The following CAPN5 variants were observed in gnomAD, a reference collection of about 807,000 sequenced individuals.
The protein encoded by CAPN5 is calpain 5, also known as calpain-5.
CAPN5 carries 54 observed loss-of-function variants against 73.0 expected under a neutral mutation model. The ratio of observed to expected loss-of-function variants is 0.74; its 90% CI spans 0.59 to 0.93. The LOEUF (loss-of-function observed/expected upper bound fraction) is 0.93. Among genes scored for constraint, CAPN5 ranks in the 40% least tolerant of loss-of-function variants. The pLI, the probability that CAPN5 is intolerant of heterozygous loss-of-function variation, is 0.00. For synonymous variants in CAPN5, 335 were observed against 356.9 expected (o/e 0.94, Z 0.69); for missense variants, 785 against 882.9 (o/e 0.89, Z 1.41).
chr11:77,099,974 T>C (rs572739739), intron 3 of CAPN5, among the ~76,000 whole-genome samples: 16 of 152,128 alleles, frequency 1.1e-4, no homozygotes, highest in African/African-American at 3.1e-4. Flanking sequence ...GTAGCTGGGA[T>C]TACAGGCGCC....
intron 3 of CAPN5, chr11:77,102,773 T>C: frequency 6.9e-7 from 1 of 1,455,174 alleles, no homozygotes; most frequent in Middle Eastern, 2.5e-4. Context: ...TGGTGGCCTC[T>C]TCTCTCCACG....
In CAPN5 at chr11:77,077,488, T is replaced by C. The variant is rs529690321; in HGVS notation, c.-35-7364T>C. On this transcript the variant is annotated intron_variant, in intron 1 of 12. Transcript: ENST00000648180. ...AGGTGGTATCTCATTGTGGTTTTGA[T>C]TTTCATTTCCCTAATGATTAGTGAT... Among the ~76,000 whole-genome samples the C allele has an allele frequency of 2.6e-5, 4 of 152,294 alleles. No individual in the cohort carries two copies. The East Asian group carries it at 7.7e-4, about 29-fold the overall frequency.
In CAPN5 at chr11:77,103,398, C is replaced by G. The variant is rs573277351; in HGVS notation, c.298-9191C>G. On this transcript the variant is annotated intron_variant, in intron 3 of 12. Coordinates refer to ENST00000648180, the MANE Select transcript of CAPN5 (RefSeq NM_004055.5). The stretch of plus-strand genomic sequence containing the variant: ...TCTCCCCTGCCCCTGCCACTTTCCC[C>G]CCTGTATTTTTGGGGCCATTATTCT... The G allele has an allele frequency of 3.9e-6, 6 of 1,529,010 alleles. No homozygotes were observed. In the South Asian group the frequency reaches 7.6e-5, roughly 19 times the overall value. The allele number at this position is 1,529,010 out of a possible 1,614,324, so 94.7% of individuals were successfully genotyped here.
intron 2 of CAPN5, among the ~76,000 whole-genome samples, chr11:77,088,384 C>T (rs969261326): frequency 6.6e-5 from 10 of 152,036 alleles, no homozygotes; most frequent in South Asian, 2.1e-4. Flanking sequence ...GGCCTGGCAG[C>T]GGGGGCACAC....
intron 4 of CAPN5, among the ~76,000 whole-genome samples, chr11:77,113,857 T>C (rs1555041157): frequency 6.6e-6 from 1 of 152,214 alleles, no homozygotes; most frequent in Admixed American, 6.5e-5. Context: ...TTCAGTGGCA[T>C]TCATTATGAT....
At position 77,114,453 on chromosome 11, in the gene CAPN5, C is replaced by T. The variant is rs147709453; in HGVS notation, c.699+19C>T. On this transcript the variant is annotated intron_variant, in intron 5 of 12. Coordinates refer to ENST00000648180, the MANE Select transcript of CAPN5 (RefSeq NM_004055.5). The stretch of plus-strand genomic sequence containing the variant: ...CATCAAGGTGAGAACACGGCAGTCC[C>T]CAGAGGCGACCCCTCCCCTTCACCC... 1 of 1,606,098 alleles carries T rather than the reference C, an allele frequency of 6.2e-7. No individual in the cohort carries two copies. Among genetic ancestry groups the T allele is most frequent in the Non-Finnish European group, 8.5e-7 (1 of 1,173,060 alleles).
Position 77,093,724 on chromosome 11 carries a change from T to TC in CAPN5, c.211dup (p.His71ProfsTer68). On this transcript the variant is annotated frameshift_variant, in exon 3 of 13. Transcript: ENST00000648180. LOFTEE classifies it high-confidence loss of function. The stretch of plus-strand genomic sequence containing the variant: ...CCGCCTCTTTGTGGATGGCATCAGC[T>TC]CCCACGACCTGCACCAGGGCCAGGT... 1 of 1,610,730 alleles carries TC rather than the reference T, an allele frequency of 6.2e-7. No individual in the cohort carries two copies. The highest frequency in any genetic ancestry group is 2.2e-5 in the East Asian group (1 of 44,840).
chr11:77,084,715 C>A, intron 1 of CAPN5, 137 bp from the exon 2 acceptor site: 1 of 701,418 alleles, frequency 1.4e-6, no homozygotes. Flanking sequence ...TGTATACCAG[C>A]TGTGTGACCT....
At position 77,086,792 on chromosome 11, in the gene CAPN5, C is replaced by T. The variant is rs184279454; in HGVS notation, c.165+1741C>T. Among the ~76,000 whole-genome samples the T allele has an allele frequency of 2.2e-3, 342 of 152,280 alleles. 3 individuals are homozygous for T. Among genetic ancestry groups the T allele is most frequent in the African/African-American group, 7.8e-3 (324 of 41,556 alleles). Reference sequence around the variant, plus strand: ...CCCAGACATTTTAGGTCCGTGGCTCCGAAAAGAGGCTGGTGAGGCCTGGCG... The same window carrying T: ...CCCAGACATTTTAGGTCCGTGGCTCTGAAAAGAGGCTGGTGAGGCCTGGCG... On this transcript the variant is annotated intron_variant, in intron 2 of 12. Transcript: ENST00000648180.
At chr11:77,079,513 G>T (rs1950007894) in intron 1 of CAPN5, among the ~76,000 whole-genome samples, 1 of 152,016 alleles carries the variant, frequency 6.6e-6, no homozygotes, top group African/African-American at 2.4e-5. Flanking sequence ...GAATATACAA[G>T]AACTTATTGA....
intron 2 of CAPN5, among the ~76,000 whole-genome samples, chr11:77,086,825 G>T (rs1380230971): frequency 6.6e-6 from 1 of 152,246 alleles, no homozygotes; most frequent in African/African-American, 2.4e-5. Flanking sequence ...GCGGGAGCAG[G>T]CTGGGCTTGC....
intron 3 of CAPN5, among the ~76,000 whole-genome samples, chr11:77,095,586 C>G (rs945217907): frequency 7.9e-5 from 12 of 152,222 alleles, no homozygotes; most frequent in Admixed American, 2.0e-4. Flanking sequence ...TCAGCTACCA[C>G]CCAGCAGCCC....
At chr11:77,084,181 G>A (rs1950057178) in intron 1 of CAPN5, among the ~76,000 whole-genome samples, 1 of 152,244 alleles carries the variant, frequency 6.6e-6, no homozygotes, top group Non-Finnish European at 1.5e-5. Flanking sequence ...TGTTGGTCCA[G>A]TCTGTGTCCC....
intron 3 of CAPN5, among the ~76,000 whole-genome samples, chr11:77,100,386 C>T (rs1950272085): frequency 6.6e-6 from 1 of 151,810 alleles, no homozygotes; most frequent in Non-Finnish European, 1.5e-5. Flanking sequence ...ATTCCTTTTC[C>T]CCCCAGGCCT....
intron 1 of CAPN5, among the ~76,000 whole-genome samples, chr11:77,075,611 G>A (rs1365851563): frequency 3.3e-5 from 5 of 152,316 alleles, no homozygotes; most frequent in South Asian, 2.1e-4. Flanking sequence ...TGAAGGGCCC[G>A]GATCTGCTGG....
chr11:77,125,603 A>G lies in CAPN5; in HGVS notation c.*1733A>G, dbSNP rs1208141921. 1.4e-5 allele frequency: 2 copies of G among 143,300 alleles called. No homozygotes were observed. Among genetic ancestry groups the G allele is most frequent in the African/African-American group, 2.8e-5 (1 of 35,162 alleles). 8.9% of individuals were successfully genotyped at this position (143,300 alleles called of 1,614,324 possible). ...TACCCCTTTCTCTATGTATCTCTGTATGCACACGCACTATATATATATATA... is the reference window on the plus strand; with the variant it reads ...TACCCCTTTCTCTATGTATCTCTGTGTGCACACGCACTATATATATATATA... On this transcript the variant is annotated 3_prime_UTR_variant, in exon 13 of 13. Coordinates refer to ENST00000648180, the MANE Select transcript of CAPN5 (RefSeq NM_004055.5).
chr11:77,122,245 G>A (rs1591151503), intron 11 of CAPN5, among the ~76,000 whole-genome samples, 196 bp downstream of exon 11: 1 of 152,324 alleles, frequency 6.6e-6, no homozygotes, highest in East Asian at 1.9e-4. Flanking sequence ...GCTTCCAGCT[G>A]GGAGGGAGGC....
At position 77,125,902 on chromosome 11, in the gene CAPN5, C is replaced by G. The variant is rs1950571481; in HGVS notation, c.*2032C>G. The G allele has an allele frequency of 6.6e-6, 1 of 152,422 alleles. No individual in the cohort carries two copies. The allele number at this position is 152,422 out of a possible 1,614,324, so 9.4% of individuals were successfully genotyped here. A position where few individuals can be genotyped will look rare whatever the true frequency, so the allele number is the denominator to read the frequency against. On this transcript the variant is annotated 3_prime_UTR_variant, in exon 13 of 13. Transcript: ENST00000648180. ...CCCCTTGAGGTGGGCCAGGCTGGCTCCTGGCTATGCAGGGATCTCTGGTCC... is the reference window on the plus strand; with the variant it reads ...CCCCTTGAGGTGGGCCAGGCTGGCTGCTGGCTATGCAGGGATCTCTGGTCC...
At chr11:77,074,820 G>T (rs930707485) in intron 1 of CAPN5, among the ~76,000 whole-genome samples, 1 of 152,200 alleles carries the variant, frequency 6.6e-6, no homozygotes, top group East Asian at 1.9e-4. Context: ...GTACGGGGCA[G>T]TGGAGCACAG....
Sources: gnomAD v4.1 joint callset for allele counts (sites outside exome capture counted in the v4.1 genomes callset) on GRCh38, gnomAD v4.1.1 for gene constraint, MANE v1.5 for transcripts, NCBI Gene and HGNC (gene_info 2026-07-23, HGNC 2026-07-21) for gene names.